The following NTRK3 variants were observed in gnomAD, a reference collection of about 807,000 sequenced individuals.
NTRK3 encodes neurotrophic receptor tyrosine kinase 3.
NTRK3 carries 24 observed loss-of-function variants against 91.7 expected under a neutral mutation model. That is an observed-to-expected ratio of 0.26 (90% CI 0.19 to 0.37). NTRK3 has a LOEUF of 0.37. Ranked by LOEUF, NTRK3 falls within the 10% of genes least tolerant of loss-of-function variation. NTRK3 has a pLI of 1.00. For synonymous variants in NTRK3, 483 were observed against 404.0 expected, an observed-to-expected ratio of 1.20 and a Z score of -2.34; for missense variants, 880 against 1,068.9, an observed-to-expected ratio of 0.82 and a Z score of 2.46.
intron 17 of NTRK3, among the ~76,000 whole-genome samples, chr15:87,884,182 G>A (rs1397426379): frequency 6.6e-6 from 1 of 151,376 alleles, no homozygotes; most frequent in African/African-American, 2.4e-5. Flanking sequence ...TAAACTTTTG[G>A]CAAGATTAAT....
chr15:88,022,526 G>A (rs1274958658), intron 14 of NTRK3, among the ~76,000 whole-genome samples: 1 of 152,166 alleles, frequency 6.6e-6, no homozygotes, highest in East Asian at 1.9e-4. Flanking sequence ...AAGGATCTCT[G>A]GAGAAAAGTT....
chr15:88,104,263 G>A (rs1268747864), intron 13 of NTRK3, among the ~76,000 whole-genome samples: 1 of 152,222 alleles, frequency 6.6e-6, no homozygotes, highest in Non-Finnish European at 1.5e-5. Context: ...TGTTGCATGA[G>A]ATTCCTTCCA....
intron 5 of NTRK3, among the ~76,000 whole-genome samples, chr15:88,159,942 C>CCACACA (rs1567552976): frequency 5.2e-5 from 2 of 38,622 alleles, no homozygotes; most frequent in Non-Finnish European, 1.2e-4. Context: ...ACCCAGCCTC[C>CCACACA]TACACACACA....
At chr15:87,971,290 T>C (rs2073233171) in intron 14 of NTRK3, among the ~76,000 whole-genome samples, 1 of 152,146 alleles carries the variant, frequency 6.6e-6, no homozygotes, top group African/African-American at 2.4e-5. Context: ...TGAGGAGCTA[T>C]GGTCGCCGGT....
chr15:88,159,298 C>T (rs2044214991), intron 5 of NTRK3, among the ~76,000 whole-genome samples: 1 of 152,356 alleles, frequency 6.6e-6, no homozygotes, highest in Non-Finnish European at 1.5e-5. Context: ...GCCAACGCTG[C>T]ATCCAATCCC....
chr15:88,142,117 A>C (rs1305942882), intron 6 of NTRK3, among the ~76,000 whole-genome samples: 1 of 152,212 alleles, frequency 6.6e-6, no homozygotes, highest in Non-Finnish European at 1.5e-5. Flanking sequence ...AGAGGATTCA[A>C]ATGGTGAGGT....
At chr15:87,924,319 TG>T (rs1264193789) in intron 17 of NTRK3, among the ~76,000 whole-genome samples, 2 of 152,110 alleles carry the variant, frequency 1.3e-5, no homozygotes, top group African/African-American at 4.8e-5. Context: ...CCAGTAAGGT[TG>T]GCTTGTTCTA....
chr15:87,998,376 G>A (rs767199989), intron 14 of NTRK3, among the ~76,000 whole-genome samples: 4 of 152,348 alleles, frequency 2.6e-5, no homozygotes, highest in Admixed American at 1.3e-4. Flanking sequence ...GAATGTCATA[G>A]CTGCCTGCTG....
chr15:87,886,563 A>AGTG (rs2065545942), intron 17 of NTRK3, among the ~76,000 whole-genome samples: 1 of 151,114 alleles, frequency 6.6e-6, no homozygotes, highest in Non-Finnish European at 1.5e-5. Flanking sequence ...GCAAATATAT[A>AGTG]GTGATACCAT....
intron 13 of NTRK3, among the ~76,000 whole-genome samples, chr15:88,109,016 C>A (rs528209301): frequency 1.2e-4 from 18 of 152,352 alleles, no homozygotes; most frequent in African/African-American, 4.3e-4. Context: ...TCCAACCCAA[C>A]AGAGTGCCTG....
chr15:87,866,291 T>C (rs1052532571), exon 19 of NTRK3: 2 of 198,984 alleles, frequency 1.0e-5, no homozygotes, highest in Non-Finnish European at 1.0e-5. Flanking sequence ...GCATTCATAA[T>C]AGACCCCAAC....
At chr15:88,223,928 G>A (rs1237175588) in intron 3 of NTRK3, among the ~76,000 whole-genome samples, 1 of 152,192 alleles carries the variant, frequency 6.6e-6, no homozygotes, top group Non-Finnish European at 1.5e-5. Context: ...GCAAGATGAG[G>A]GCAGTGAGAT....
intron 3 of NTRK3, among the ~76,000 whole-genome samples, chr15:88,211,568 A>G (rs1240492823): frequency 6.6e-6 from 1 of 152,270 alleles, no homozygotes; most frequent in Non-Finnish European, 1.5e-5. Context: ...GAGAAGATGT[A>G]ATATAAAATA....
chr15:88,152,002 T>A (rs1348856227), intron 5 of NTRK3, among the ~76,000 whole-genome samples: 1 of 152,158 alleles, frequency 6.6e-6, no homozygotes, highest in East Asian at 1.9e-4. Context: ...CAAAATTCGT[T>A]TTTAAAATCC....
At chr15:88,155,129 C>T (rs1317410142) in intron 5 of NTRK3, among the ~76,000 whole-genome samples, 1 of 152,178 alleles carries the variant, frequency 6.6e-6, no homozygotes, top group East Asian at 1.9e-4. Flanking sequence ...GGTTAACTTA[C>T]ACCGCAGAGG....
intron 5 of NTRK3, among the ~76,000 whole-genome samples, chr15:88,174,559 T>C (rs1177172872): frequency 2.0e-5 from 3 of 152,144 alleles, no homozygotes; most frequent in Non-Finnish European, 4.4e-5. Context: ...CAAATGCTGT[T>C]CCCTTGGCAA....
chr15:87,981,337 G>A (rs1216517077), intron 14 of NTRK3: 2 of 1,611,280 alleles, frequency 1.2e-6, no homozygotes, highest in Admixed American at 1.7e-5. Context: ...AATATCCCAT[G>A]ATTGTCTATG....
intron 10 of NTRK3, among the ~76,000 whole-genome samples, chr15:88,133,828 C>A (rs988240402): frequency 2.6e-5 from 4 of 152,316 alleles, no homozygotes; most frequent in Admixed American, 6.5e-5. Flanking sequence ...CCTCAAACAT[C>A]TGCACATTCT....
chr15:88,135,534 A>G (rs1444009299), intron 9 of NTRK3, 137 bp from the exon 10 acceptor site: 1 of 999,122 alleles, frequency 1.0e-6, no homozygotes, highest in African/African-American at 1.6e-5. Flanking sequence ...AAGTCCCACC[A>G]CAATCCCAGC....
Sources: gnomAD v4.1 joint callset for allele counts (sites outside exome capture counted in the v4.1 genomes callset) on GRCh38, gnomAD v4.1.1 for gene constraint, MANE v1.5 for transcripts, NCBI Gene and HGNC (gene_info 2026-07-23, HGNC 2026-07-21) for gene names.